PLPPR1: variants seen among roughly 807,000 people sequenced by gnomAD.
The protein encoded by PLPPR1 is phospholipid phosphatase-related protein type 1.
A neutral mutation model predicts 33.1 loss-of-function variants in PLPPR1; 10 were observed. The ratio of observed to expected loss-of-function variants is 0.30; its 90% CI spans 0.19 to 0.51. The LOEUF is 0.51. Ranked by LOEUF, PLPPR1 falls within the 20% of genes least tolerant of loss-of-function variation. The pLI is 0.97. For missense variants in PLPPR1, 304 were observed against 408.1 expected, an observed-to-expected ratio of 0.74 and a Z score of 2.20; for synonymous variants, 151 against 151.0, an observed-to-expected ratio of 1.00 and a Z score of 0.00.
chr9:101,266,288 C>T (rs1827992723), intron 2 of PLPPR1, among the ~76,000 whole-genome samples: 1 of 150,986 alleles, frequency 6.6e-6, no homozygotes, highest in Non-Finnish European at 1.5e-5. Flanking sequence ...ATTAGCCAGG[C>T]GTGATGGCAT....
rs141853608 is a variant in PLPPR1, at chr9:101,178,253, C to T, written c.-45-7197C>T. 2.8e-3 allele frequency among the ~76,000 whole-genome samples: 429 copies of T among 152,320 alleles called. 1 individual carries two copies. The highest frequency in any genetic ancestry group is 9.6e-3 in the African/African-American group (400 of 41,576). ...TAGAGGTTACACGTGGGCTCAGCAT[C>T]ATGGACTTCCACTCACCAAGGCTGA... is the stretch of plus-strand genomic sequence containing the variant. On this transcript the variant is annotated intron_variant, in intron 1 of 7. Coordinates refer to ENST00000374874, the MANE Select transcript of PLPPR1 (RefSeq NM_207299.2).
At chr9:101,236,475 A>G (rs1827300976) in intron 2 of PLPPR1, among the ~76,000 whole-genome samples, 1 of 151,626 alleles carries the variant, frequency 6.6e-6, no homozygotes, top group South Asian at 2.1e-4. Context: ...ACAGAATGCC[A>G]GTAGAATATA....
chr9:101,214,876 A>AGCCAG (rs1248309592), intron 2 of PLPPR1, among the ~76,000 whole-genome samples: 2 of 152,028 alleles, frequency 1.3e-5, no homozygotes, highest in African/African-American at 4.8e-5. Context: ...TACAAAACTT[A>AGCCAG]GCCAGGCATG....
intron 2 of PLPPR1, among the ~76,000 whole-genome samples, chr9:101,228,378 G>T (rs1040181347): frequency 3.9e-5 from 6 of 152,092 alleles, no homozygotes; most frequent in Non-Finnish European, 5.9e-5. Context: ...AAAGCGTGAG[G>T]TCCACATCCT....
intron 5 of PLPPR1, among the ~76,000 whole-genome samples, chr9:101,310,536 T>C (rs1417671465): frequency 3.3e-5 from 5 of 152,160 alleles, no homozygotes; most frequent in Non-Finnish European, 7.4e-5. Flanking sequence ...CTGAGTGTAA[T>C]TGCAGGAGGC....
chr9:101,171,121 A>C (rs16920006), intron 1 of PLPPR1, among the ~76,000 whole-genome samples: 2,668 of 152,228 alleles, frequency 0.018, 82 homozygotes, highest in African/African-American at 0.062. Context: ...CAGACATATA[A>C]GTTCAAAGGA....
intron 2 of PLPPR1, among the ~76,000 whole-genome samples, chr9:101,257,531 T>G (rs1827823753): frequency 6.6e-6 from 1 of 152,280 alleles, no homozygotes; most frequent in Admixed American, 6.5e-5. Context: ...GCACAGTTCC[T>G]GGCAGGTGAG....
At chr9:101,112,009 C>A (rs576758471) in intron 1 of PLPPR1, among the ~76,000 whole-genome samples, 1 of 152,296 alleles carries the variant, frequency 6.6e-6, no homozygotes, top group African/African-American at 2.4e-5. Context: ...TTTATTTAAA[C>A]AAATTGAAGT....
At chr9:101,162,793 G>A (rs1474085363) in intron 1 of PLPPR1, among the ~76,000 whole-genome samples, 1 of 152,172 alleles carries the variant, frequency 6.6e-6, no homozygotes, top group Non-Finnish European at 1.5e-5. Context: ...GTCCAGATGG[G>A]TTTGTTCTGT....
At chr9:101,069,579 A>G (rs138750135) in intron 1 of PLPPR1, among the ~76,000 whole-genome samples, 100 of 152,250 alleles carry the variant, frequency 6.6e-4, no homozygotes, top group African/African-American at 2.3e-3. Flanking sequence ...ACTGGAAAAT[A>G]AACTTATACC....
chr9:101,173,704 TCTC>T (rs1310227149), intron 1 of PLPPR1, among the ~76,000 whole-genome samples: 1 of 152,142 alleles, frequency 6.6e-6, no homozygotes, highest in Non-Finnish European at 1.5e-5. Flanking sequence ...TGCTCTTAAT[TCTC>T]CTAAATTAGT....
chr9:101,225,157 T>A (rs372867404), intron 2 of PLPPR1, among the ~76,000 whole-genome samples: 5 of 152,278 alleles, frequency 3.3e-5, no homozygotes, highest in African/African-American at 9.6e-5. Context: ...ACTTACCATG[T>A]TAGCATGTTT....
chr9:101,135,571 G>T (rs1484086802), intron 1 of PLPPR1, among the ~76,000 whole-genome samples: 4 of 152,070 alleles, frequency 2.6e-5, no homozygotes, highest in African/African-American at 4.8e-5. Flanking sequence ...CTTAAATGAG[G>T]CTCTCAGGAT....
Position 101,309,176 on chromosome 9 carries a change from G to A in PLPPR1, c.386-35G>A, listed in dbSNP as rs1239269111. 1.9e-6 allele frequency: 3 copies of A among 1,611,662 alleles called. No individual in the cohort carries two copies. The South Asian group carries it at 3.3e-5, about 18-fold the overall frequency. ...GAGAAAAATGCAATTGACAGAGTAT[G>A]TTACCATTCCTAATGATTTTAAATC... On this transcript the variant is annotated intron_variant, in intron 4 of 7. Transcript: ENST00000374874.
At chr9:101,162,079 C>G (rs1174916382) in intron 1 of PLPPR1, among the ~76,000 whole-genome samples, 4 of 149,180 alleles carry the variant, frequency 2.7e-5, no homozygotes, top group Non-Finnish European at 5.9e-5. Flanking sequence ...TACTTAACCT[C>G]TCTGAGCCTC....
At chr9:101,193,778 C>G (rs1826343832) in intron 2 of PLPPR1, among the ~76,000 whole-genome samples, 2 of 152,176 alleles carry the variant, frequency 1.3e-5, no homozygotes, top group Non-Finnish European at 2.9e-5. Context: ...AATTGATTTA[C>G]TTAAGGCTAC....
At chr9:101,167,190 C>T (rs1431711633) in intron 1 of PLPPR1, among the ~76,000 whole-genome samples, 44 of 25,198 alleles carry the variant, frequency 1.7e-3, no homozygotes, top group Admixed American at 3.3e-3. Context: ...GTGTCTTTCT[C>T]TCTCTCTCTC....
chr9:101,221,620 C>G (rs1164042022), intron 2 of PLPPR1, among the ~76,000 whole-genome samples: 1 of 152,168 alleles, frequency 6.6e-6, no homozygotes, highest in Non-Finnish European at 1.5e-5. Context: ...TACAACCACC[C>G]TGAGGTAGGT....
At chr9:101,126,011 G>T (rs1475297748) in intron 1 of PLPPR1, 3 of 221,100 alleles carry the variant, frequency 1.4e-5, no homozygotes, top group Non-Finnish European at 2.6e-5. Flanking sequence ...CCTATGCAAA[G>T]CAGCCCATGA....
Sources: gnomAD v4.1 joint callset for allele counts (sites outside exome capture counted in the v4.1 genomes callset) on GRCh38, gnomAD v4.1.1 for gene constraint, MANE v1.5 for transcripts, NCBI Gene and HGNC (gene_info 2026-07-23, HGNC 2026-07-21) for gene names.